MYT1: variants seen among roughly 807,000 people sequenced by gnomAD.
The protein encoded by MYT1 is myelin transcription factor I.
Under a neutral mutation model 123.0 loss-of-function variants are expected in MYT1, and 23 were observed. The observed-to-expected ratio is 0.19, with a 90% CI of 0.13 to 0.26. MYT1 has a LOEUF of 0.26. Among genes scored for constraint, MYT1 ranks in the 10% least tolerant of loss-of-function variants. The pLI is 1.00. For synonymous variants in MYT1, 518 were observed against 575.3 expected (o/e 0.90, Z 1.43); for missense variants, 1,125 against 1,472.5 (o/e 0.76, Z 3.86).
rs1348231563 is a variant in MYT1 at position 64,241,636 on chromosome 20, A to T, written c.*1188A>T. The T allele has an allele frequency of 6.6e-6, 1 of 152,532 alleles. No individual in the cohort carries two copies. The highest frequency in any genetic ancestry group is 1.5e-5 in the Non-Finnish European group (1 of 68,034). The allele number at this position is 152,532 out of a possible 1,614,324, so 9.4% of individuals were successfully genotyped here. On this transcript the variant is annotated 3_prime_UTR_variant, in exon 23 of 23. Transcript: ENST00000328439. The surrounding 1 kb of genome is among the most constrained non-coding windows in gnomAD (Gnocchi z 4.2). Reference sequence around the variant, plus strand: ...TATTTATTTAACATTTTTATTTATTAATTTTATACTATTTCAACTAGACCC... The same window carrying T: ...TATTTATTTAACATTTTTATTTATTTATTTTATACTATTTCAACTAGACCC...
chr20:64,236,732 A>G (rs1270267665), intron 20 of MYT1, 86 bp downstream of exon 20: 1 of 1,185,374 alleles, frequency 8.4e-7, no homozygotes, highest in Admixed American at 1.8e-5. Flanking sequence ...GGTGGGAAGA[A>G]GGTTAGGGAG....
chr20:64,200,188 G>A (rs1282679062), intron 4 of MYT1, among the ~76,000 whole-genome samples: 2 of 152,192 alleles, frequency 1.3e-5, no homozygotes, highest in African/African-American at 4.8e-5. Context: ...TGGTCACCAC[G>A]AGGACCTGGA....
chr20:64,187,432 C>T (rs1485512709), intron 1 of MYT1, among the ~76,000 whole-genome samples: 2 of 151,184 alleles, frequency 1.3e-5, no homozygotes, highest in African/African-American at 4.9e-5. Flanking sequence ...GAGAGTTTTC[C>T]TGTGGCACGT....
At position 64,212,910 on chromosome 20, in the gene MYT1, GA is replaced by G. The variant is rs1568713224; in HGVS notation, c.1518-623del. Among the ~76,000 whole-genome samples the G allele has an allele frequency of 1.3e-5, 2 of 152,202 alleles. No individual in the cohort carries two copies. The highest frequency in any genetic ancestry group is 2.9e-5 in the Non-Finnish European group (2 of 68,038). On this transcript the variant is annotated intron_variant, in intron 9 of 22. Transcript: ENST00000328439. This position sits in a 1 kb window ranked among gnomAD's most constrained non-coding sequence, Gnocchi z 6.8. Reference sequence around the variant, plus strand: ...AGCTGAAAGGACTGCCAGAGCTTTTGAGGTCACTTCATTTGAAAAGAGGCCA... The same window carrying G: ...AGCTGAAAGGACTGCCAGAGCTTTTGGGTCACTTCATTTGAAAAGAGGCCA...
At chr20:64,204,209 G>A (rs1983409641) in intron 4 of MYT1, among the ~76,000 whole-genome samples, 1 of 152,234 alleles carries the variant, frequency 6.6e-6, no homozygotes, top group Non-Finnish European at 1.5e-5. Flanking sequence ...CACGTTGGTT[G>A]GCATAGTCAG....
rs117900764 is a variant in MYT1, at chr20:64,224,631, G to T, written c.2528+1272G>T. Among the ~76,000 whole-genome samples the T allele has an allele frequency of 5.6e-3, 858 of 152,242 alleles. 32 individuals are homozygous for T. Among genetic ancestry groups the T allele is most frequent in the Admixed American group, 0.045 (686 of 15,278 alleles). ...CATTGACTTATTCATTCATTCTGCC[G>T]CCCACTTTGTCTAGTCCTAGAAACC... On this transcript the variant is annotated intron_variant, in intron 16 of 22. Transcript: ENST00000328439.
rs770953020 is a variant in MYT1, at chr20:64,205,550, C to T, written c.150-3C>T. 4 of 1,613,834 alleles carry T rather than the reference C, an allele frequency of 2.5e-6. No individual in the cohort carries two copies. Among genetic ancestry groups the T allele is most frequent in the Non-Finnish European group, 3.4e-6 (4 of 1,179,928 alleles). ...CTCTCCACTGCCTACTCCTCCCTCC[C>T]AGTTTACAGAGCTGCCCCCTGGCCA... On this transcript the variant is annotated splice_polypyrimidine_tract_variant and splice_region_variant and intron_variant, in intron 5 of 22. Coordinates refer to ENST00000328439, the MANE Select transcript of MYT1 (RefSeq NM_004535.3).
At chr20:64,200,036 C>A (rs1983246736) in intron 4 of MYT1, 114 bp downstream of exon 4, 1 of 1,248,768 alleles carries the variant, frequency 8.0e-7, no homozygotes. Flanking sequence ...CCTGGTGAGC[C>A]CCTGCTTTCC....
intron 1 of MYT1, among the ~76,000 whole-genome samples, chr20:64,171,403 G>A (rs1279356641): frequency 6.6e-6 from 1 of 152,204 alleles, no homozygotes; most frequent in Non-Finnish European, 1.5e-5. Context: ...CCTGTCTCGG[G>A]GAATCCGTTC....
chr20:64,212,186 G>A lies in MYT1; in HGVS notation c.1517+48G>A, dbSNP rs184093438. 2.4e-5 allele frequency: 15 copies of A among 627,012 alleles called. No individual in the cohort carries two copies. Among genetic ancestry groups the A allele is most frequent in the Middle Eastern group, 4.2e-4 (1 of 2,392 alleles). The allele number at this position is 627,012 out of a possible 1,614,324, so 38.8% of individuals were successfully genotyped here. A position where few individuals can be genotyped will look rare whatever the true frequency, so the allele number is the denominator to read the frequency against. Reference sequence around the variant, plus strand: ...TAGTGGGGGCCAGGGTGGGGGCCGTGGTGGGGGCCAGGGTGGGGGCCGTGG... The same window carrying A: ...TAGTGGGGGCCAGGGTGGGGGCCGTAGTGGGGGCCAGGGTGGGGGCCGTGG... On this transcript the variant is annotated intron_variant, in intron 9 of 22. Coordinates refer to ENST00000328439, the MANE Select transcript of MYT1 (RefSeq NM_004535.3). The surrounding 1 kb of genome is among the most constrained non-coding windows in gnomAD (Gnocchi z 6.8).
rs1303056184 is a variant in MYT1, at chr20:64,203,277, C to T, written c.87-1758C>T. On this transcript the variant is annotated intron_variant, in intron 4 of 22. Transcript: ENST00000328439. This position sits in a 1 kb window ranked among gnomAD's most constrained non-coding sequence, Gnocchi z 5.1. ...GCAGCTGTCACCTAATTGCCTGATT[C>T]ACTCAGTGATGTCATCGGCTAATTG... Among the ~76,000 whole-genome samples the T allele has an allele frequency of 2.6e-5, 4 of 152,256 alleles. No individual in the cohort carries two copies. The highest frequency in any genetic ancestry group is 5.9e-5 in the Non-Finnish European group (4 of 68,048).
intron 1 of MYT1, among the ~76,000 whole-genome samples, chr20:64,173,063 T>A (rs1307021264): frequency 6.6e-6 from 1 of 152,152 alleles, no homozygotes; most frequent in East Asian, 1.9e-4. Context: ...GCATCTGGAA[T>A]ACCTGTTGGA....
In MYT1 at chr20:64,212,784, T is replaced by C. The variant is rs1277916385; in HGVS notation, c.1517+646T>C. On this transcript the variant is annotated intron_variant, in intron 9 of 22. Transcript: ENST00000328439. The surrounding 1 kb of genome is among the most constrained non-coding windows in gnomAD (Gnocchi z 6.8). ...CCCTCGAGGTGTAGTTGTTGACTGG[T>C]CTTCTATGGTGAGGGGGGACTACTC... Among the ~76,000 whole-genome samples, 1 of 151,858 alleles carries C rather than the reference T, an allele frequency of 6.6e-6. No homozygotes were observed. Among genetic ancestry groups the C allele is most frequent in the Non-Finnish European group, 1.5e-5 (1 of 67,962 alleles).
In MYT1 at chr20:64,240,612, G is replaced by A. The variant is rs909308452; in HGVS notation, c.*164G>A. On this transcript the variant is annotated 3_prime_UTR_variant, in exon 23 of 23. Coordinates refer to ENST00000328439, the MANE Select transcript of MYT1 (RefSeq NM_004535.3). ...ATGGCTGGAAATTGGCCGCTCCCACGAGGCTCCCTCCAGGCTTGGGGCCGT... is the reference window on the plus strand; with the variant it reads ...ATGGCTGGAAATTGGCCGCTCCCACAAGGCTCCCTCCAGGCTTGGGGCCGT... The A allele has an allele frequency of 2.6e-5, 24 of 940,670 alleles. No individual in the cohort carries two copies. Among genetic ancestry groups the A allele is most frequent in the East Asian group, 5.4e-5 (2 of 36,880 alleles). 58.3% of individuals were successfully genotyped at this position (940,670 alleles called of 1,614,324 possible). A position where few individuals can be genotyped will look rare whatever the true frequency, so the allele number is the denominator to read the frequency against.
chr20:64,173,595 C>CTTG (rs33975666), intron 1 of MYT1, among the ~76,000 whole-genome samples: 5 of 65,154 alleles, frequency 7.7e-5, no homozygotes, highest in South Asian at 4.3e-4. Context: ...AGCATCTTTC[C>CTTG]TAGTTGTGTC....
intron 3 of MYT1, 32 bp downstream of exon 3, chr20:64,198,948 T>C (rs753848595): frequency 6.2e-7 from 1 of 1,610,906 alleles, no homozygotes. Context: ...TCCAGGGCTG[T>C]AAATGCCACT....
At chr20:64,187,036 G>A (rs1349131441) in intron 1 of MYT1, among the ~76,000 whole-genome samples, 7 of 142,498 alleles carry the variant, frequency 4.9e-5, no homozygotes, top group South Asian at 2.3e-4. Context: ...CCTGTAGCCC[G>A]TGGCCCCGGC....
chr20:64,195,401 C>T lies in MYT1; in HGVS notation c.1-3461C>T, dbSNP rs56343219. Among the ~76,000 whole-genome samples the T allele has an allele frequency of 2.8e-3, 296 of 103,968 alleles. 7 individuals are homozygous for T. Among genetic ancestry groups the T allele is most frequent in the Middle Eastern group, 0.016 (2 of 128 alleles). The allele number at this position is 103,968 out of a possible 152,430, so 68.2% of individuals were successfully genotyped here. A position where few individuals can be genotyped will look rare whatever the true frequency, so the allele number is the denominator to read the frequency against. On this transcript the variant is annotated intron_variant, in intron 2 of 22. Coordinates refer to ENST00000328439, the MANE Select transcript of MYT1 (RefSeq NM_004535.3). ...GTGTGTGTGTGTGTGTGTGTGTATA[C>T]TTTTTTTTTTTTGAGACGGAGTCTC...
intron 1 of MYT1, among the ~76,000 whole-genome samples, chr20:64,176,543 A>T (rs1387751231): frequency 6.6e-6 from 1 of 151,562 alleles, no homozygotes; most frequent in Non-Finnish European, 1.5e-5. Flanking sequence ...CTATTTCTGG[A>T]GGTCCCCACT....
Sources: gnomAD v4.1 joint callset for allele counts (sites outside exome capture counted in the v4.1 genomes callset) on GRCh38, gnomAD v4.1.1 for gene constraint, Gnocchi (gnomAD v3.1) non-coding constraint, MANE v1.5 for transcripts, NCBI Gene and HGNC (gene_info 2026-07-23, HGNC 2026-07-21) for gene names.